Variants in RELN observed in about 807,000 individuals in gnomAD.
The protein encoded by RELN is reelin.
Under a neutral mutation model 427.6 loss-of-function variants are expected in RELN, and 108 were observed. That is an observed-to-expected ratio of 0.25 (90% CI 0.22 to 0.30). The LOEUF (loss-of-function observed/expected upper bound fraction) is 0.30, where lower values mean the gene tolerates loss of function less well. Ranked by LOEUF, RELN falls within the 10% of genes least tolerant of loss-of-function variation. The pLI, the probability that RELN is intolerant of heterozygous loss-of-function variation, is 1.00. For missense variants in RELN, 3,715 were observed against 4,302.8 expected, an observed-to-expected ratio of 0.86 and a Z score of 3.82; for synonymous variants, 1,524 against 1,513.4, an observed-to-expected ratio of 1.01 and a Z score of -0.16.
intron 2 of RELN, among the ~76,000 whole-genome samples, chr7:103,856,850 G>A (rs1055890780): frequency 1.3e-5 from 2 of 151,754 alleles, no homozygotes; most frequent in African/African-American, 2.4e-5. Context: ...TATATTTGTC[G>A]ATTTATGTAC....
At chr7:103,889,065 G>C (rs1032067749) in intron 2 of RELN, among the ~76,000 whole-genome samples, 1 of 152,182 alleles carries the variant, frequency 6.6e-6, no homozygotes, top group Non-Finnish European at 1.5e-5. Flanking sequence ...TGTTTCTGAC[G>C]AGAGAAAATG....
chr7:103,940,848 TATGAG>T (rs1190568089), intron 1 of RELN, among the ~76,000 whole-genome samples: 6 of 152,336 alleles, frequency 3.9e-5, no homozygotes, highest in African/African-American at 1.4e-4. Flanking sequence ...GAAATAATCT[TATGAG>T]ATATCAGCTG....
At chr7:103,943,363 G>A (rs1796154347) in intron 1 of RELN, among the ~76,000 whole-genome samples, 1 of 152,128 alleles carries the variant, frequency 6.6e-6, no homozygotes, top group South Asian at 2.1e-4. Flanking sequence ...ATCATGTAAA[G>A]CTTTGTGCAG....
chr7:103,773,805 A>G (rs868808697), intron 4 of RELN, among the ~76,000 whole-genome samples: 6 of 151,936 alleles, frequency 3.9e-5, no homozygotes, highest in African/African-American at 1.2e-4. Context: ...CTACCCATTC[A>G]GGTCTACCTT....
At chr7:103,747,005 G>C (rs1276749953) in intron 6 of RELN, among the ~76,000 whole-genome samples, 1 of 152,098 alleles carries the variant, frequency 6.6e-6, no homozygotes, top group African/African-American at 2.4e-5. Flanking sequence ...CAAAGACTTG[G>C]AACCAACCTA....
intron 20 of RELN, among the ~76,000 whole-genome samples, chr7:103,622,860 G>C (rs1038924286): frequency 2.0e-5 from 3 of 152,122 alleles, no homozygotes; most frequent in African/African-American, 7.2e-5. Flanking sequence ...TAGAAGTAAG[G>C]TCCACAAGCA....
chr7:103,542,105 G>A (rs1830189087), intron 43 of RELN, among the ~76,000 whole-genome samples: 1 of 152,128 alleles, frequency 6.6e-6, no homozygotes, highest in South Asian at 2.1e-4. Flanking sequence ...AAATGATCAA[G>A]GGATACACAT....
At chr7:103,635,240 T>C (rs1672177881) in intron 19 of RELN, among the ~76,000 whole-genome samples, 185 bp downstream of exon 19, 1 of 152,156 alleles carries the variant, frequency 6.6e-6, no homozygotes, top group African/African-American at 2.4e-5. Flanking sequence ...TTCCTTCAAA[T>C]GATCAGAAGT....
intron 12 of RELN, among the ~76,000 whole-genome samples, chr7:103,659,624 T>G (rs990100751): frequency 6.6e-6 from 1 of 152,122 alleles, no homozygotes; most frequent in Non-Finnish European, 1.5e-5. Context: ...CCCTAATCCC[T>G]CCACTGCAAT....
chr7:103,561,406 G>T, intron 36 of RELN, 126 bp downstream of exon 36: 1 of 853,080 alleles, frequency 1.2e-6, no homozygotes, highest in Non-Finnish European at 2.0e-6. Context: ...TGGGCTAAAA[G>T]TCAATAACTA....
chr7:103,757,682 TG>T (rs1423927166), intron 4 of RELN, among the ~76,000 whole-genome samples: 1 of 152,104 alleles, frequency 6.6e-6, no homozygotes, highest in Non-Finnish European at 1.5e-5. Context: ...GGTATTTCTG[TG>T]GTAGTGATAA....
intron 37 of RELN, 115 bp downstream of exon 37, chr7:103,557,848 TTA>T: frequency 1.5e-6 from 1 of 653,728 alleles, no homozygotes; most frequent in East Asian, 2.8e-5. Context: ...GTATACTAAT[TTA>T]TGTTAGCCCT....
intron 3 of RELN, among the ~76,000 whole-genome samples, chr7:103,797,849 A>T (rs1792347184): frequency 1.3e-5 from 2 of 152,370 alleles, no homozygotes; most frequent in East Asian, 3.9e-4. Flanking sequence ...GCCAAAAGAC[A>T]TTCAATTTTG....
chr7:103,922,739 G>C (rs1446605517), intron 1 of RELN, among the ~76,000 whole-genome samples: 1 of 152,102 alleles, frequency 6.6e-6, no homozygotes, highest in Non-Finnish European at 1.5e-5. Flanking sequence ...ACTGTAAGAT[G>C]AAAGTCTAAA....
chr7:103,719,010 A>G (rs566056206), intron 8 of RELN, among the ~76,000 whole-genome samples: 1 of 152,290 alleles, frequency 6.6e-6, no homozygotes, highest in Non-Finnish European at 1.5e-5. Flanking sequence ...ATTTCATTCT[A>G]TTTCTCTATT....
chr7:103,704,678 T>C (rs1246913415), intron 8 of RELN, among the ~76,000 whole-genome samples: 1 of 150,744 alleles, frequency 6.6e-6, no homozygotes, highest in Non-Finnish European at 1.5e-5. Context: ...TCATCTCCTA[T>C]CTAAAAAAAA....
chr7:103,749,868 T>C (rs952500363), intron 5 of RELN, among the ~76,000 whole-genome samples: 7 of 152,232 alleles, frequency 4.6e-5, no homozygotes, highest in African/African-American at 1.7e-4. Flanking sequence ...TCTTGAATTG[T>C]AGTTCCCATA....
At chr7:103,935,653 G>C (rs1300227210) in intron 1 of RELN, among the ~76,000 whole-genome samples, 3 of 152,094 alleles carry the variant, frequency 2.0e-5, no homozygotes, top group Non-Finnish European at 4.4e-5. Context: ...AGACCAGTAA[G>C]ACTAGACCCG....
At chr7:103,912,867 G>A (rs1584360942) in intron 2 of RELN, among the ~76,000 whole-genome samples, 2 of 152,204 alleles carry the variant, frequency 1.3e-5, no homozygotes, top group East Asian at 3.9e-4. Flanking sequence ...AATGAGCCTT[G>A]AAGATTTACA....
Sources: allele counts gnomAD v4.1 joint callset (sites outside exome capture counted in the v4.1 genomes callset), GRCh38; gene constraint gnomAD v4.1.1; transcripts MANE v1.5; gene names NCBI Gene and HGNC (gene_info 2026-07-23, HGNC 2026-07-21).